Variants in TSPAN33 observed in about 807,000 individuals in gnomAD.
The protein encoded by TSPAN33 is tetraspanin-33.
A neutral mutation model predicts 34.8 loss-of-function variants in TSPAN33; 27 were observed. That is an observed-to-expected ratio of 0.78 (90% CI 0.57 to 1.07). The LOEUF (loss-of-function observed/expected upper bound fraction) is 1.07. Ranked by LOEUF, TSPAN33 falls within the 50% of genes least tolerant of loss-of-function variation. The pLI, the probability that TSPAN33 is intolerant of heterozygous loss-of-function variation, is 0.00. For synonymous variants in TSPAN33, 119 were observed against 124.2 expected, an observed-to-expected ratio of 0.96 and a Z score of 0.28; for missense variants, 272 against 324.9, an observed-to-expected ratio of 0.84 and a Z score of 1.25.
chr7:129,169,423 G>A lies in TSPAN33; in HGVS notation c.*1549G>A, dbSNP rs887956843. ...CCGGAGGAGATGGGGGGCTGTGCTAGCTGCTTGCCCAGCGAGTGTTCCCGG... is the reference window on the plus strand; with the variant it reads ...CCGGAGGAGATGGGGGGCTGTGCTAACTGCTTGCCCAGCGAGTGTTCCCGG... On this transcript the variant is annotated 3_prime_UTR_variant, in exon 8 of 8. Transcript: ENST00000486685. 13 of 152,404 alleles carry A rather than the reference G, an allele frequency of 8.5e-5. No homozygotes were observed. The highest frequency in any genetic ancestry group is 2.4e-4 in the African/African-American group (10 of 41,576). The allele number at this position is 152,404 out of a possible 1,614,324, so 9.4% of individuals were successfully genotyped here. A position where few individuals can be genotyped will look rare whatever the true frequency, so the allele number is the denominator to read the frequency against.
In TSPAN33 at chr7:129,148,708, G is replaced by C. The variant is rs372925527; in HGVS notation, c.102+3626G>C. ...AGCCATCCCCTCCTCAGAGCCACAC[G>C]TACTTACTGCCTACAGCATCTGGAT... On this transcript the variant is annotated intron_variant, in intron 1 of 7. Coordinates refer to ENST00000486685, the MANE Select transcript of TSPAN33 (RefSeq NM_178562.5). The surrounding 1 kb of genome is among the most constrained non-coding windows in gnomAD (Gnocchi z 4.2). Among the ~76,000 whole-genome samples the C allele has an allele frequency of 6.6e-6, 1 of 152,282 alleles. No homozygotes were observed. Among genetic ancestry groups the C allele is most frequent in the Admixed American group, 6.5e-5 (1 of 15,296 alleles).
chr7:129,164,650 G>T, intron 5 of TSPAN33, 81 bp downstream of exon 5: 1 of 1,335,858 alleles, frequency 7.5e-7, no homozygotes, highest in Non-Finnish European at 1.1e-6. Context: ...CTATGCCTGT[G>T]GGGCTCTTCA....
intron 1 of TSPAN33, among the ~76,000 whole-genome samples, chr7:129,146,914 C>T (rs1810527685): frequency 6.6e-6 from 1 of 152,166 alleles, no homozygotes; most frequent in Non-Finnish European, 1.5e-5. Context: ...CAGCTGGGTG[C>T]ATCTGTTACA....
chr7:129,150,251 G>T (rs1219875400), intron 1 of TSPAN33, among the ~76,000 whole-genome samples: 1 of 152,190 alleles, frequency 6.6e-6, no homozygotes, highest in Admixed American at 6.5e-5. Flanking sequence ...CCTGCTGGTG[G>T]CCCCACTGTG....
intron 1 of TSPAN33, among the ~76,000 whole-genome samples, chr7:129,152,436 G>A (rs1185898301): frequency 6.6e-6 from 1 of 152,170 alleles, no homozygotes; most frequent in South Asian, 2.1e-4. Flanking sequence ...GCTCATGCCT[G>A]TAATCTTTTG....
rs979826241 is a variant in TSPAN33, at chr7:129,166,550, A to T, written c.460-228A>T. The T allele has an allele frequency of 1.1e-5, 5 of 471,652 alleles. No individual in the cohort carries two copies. In the Admixed American group the frequency reaches 2.0e-4, roughly 19 times the overall value. 29.2% of individuals were successfully genotyped at this position (471,652 alleles called of 1,614,324 possible). ...GTACAACTGTAATACCAACAAGCAC[A>T]GTGGTAAGTTATAACAAGATATACG... On this transcript the variant is annotated intron_variant, in intron 5 of 7. Transcript: ENST00000486685.
chr7:129,154,053 C>T (rs1279645207), intron 1 of TSPAN33, among the ~76,000 whole-genome samples: 1 of 152,170 alleles, frequency 6.6e-6, no homozygotes, highest in Non-Finnish European at 1.5e-5. Context: ...CTATCTTAGC[C>T]AAGCATGGTG....
intron 1 of TSPAN33, among the ~76,000 whole-genome samples, chr7:129,152,834 G>A (rs1810614758): frequency 6.6e-6 from 1 of 151,800 alleles, no homozygotes; most frequent in African/African-American, 2.4e-5. Context: ...CAAGGCAGGA[G>A]GATCACCTGA....
chr7:129,167,342 CCAAA>C lies in TSPAN33; in HGVS notation c.589-52_589-49del. ...GGTGGGAAGCCCATCAGCTAAGGCCCCAAACAAAAAGTTATTGGAATTACAGTCC... is the reference window on the plus strand; with the variant it reads ...GGTGGGAAGCCCATCAGCTAAGGCCCCAAAAAGTTATTGGAATTACAGTCC... On this transcript the variant is annotated intron_variant, in intron 6 of 7. Transcript: ENST00000486685. This position sits in a 1 kb window ranked among gnomAD's most constrained non-coding sequence, Gnocchi z 4.6. The C allele has an allele frequency of 1.3e-6, 2 of 1,569,032 alleles. No individual in the cohort carries two copies. The highest frequency in any genetic ancestry group is 8.7e-7 in the Non-Finnish European group (1 of 1,151,808).
At chr7:129,162,952 G>A in intron 4 of TSPAN33, 45 bp downstream of exon 4, 1 of 1,565,198 alleles carries the variant, frequency 6.4e-7, no homozygotes, top group Non-Finnish European at 8.8e-7. Context: ...GACCCAGAGG[G>A]AGGAAGGAAG....
chr7:129,149,976 C>T (rs1563135631), intron 1 of TSPAN33, among the ~76,000 whole-genome samples: 1 of 152,222 alleles, frequency 6.6e-6, no homozygotes, highest in Non-Finnish European at 1.5e-5. Flanking sequence ...TGGCTTCATC[C>T]AGATATAAGG....
intron 1 of TSPAN33, among the ~76,000 whole-genome samples, chr7:129,155,684 C>A (rs1253587100): frequency 6.6e-6 from 1 of 150,696 alleles, no homozygotes; most frequent in Non-Finnish European, 1.5e-5. Context: ...ATTTAATATC[C>A]TTCTGTTCCA....
intron 1 of TSPAN33, among the ~76,000 whole-genome samples, chr7:129,152,707 A>G (rs1018114322): frequency 6.6e-6 from 1 of 151,592 alleles, no homozygotes; most frequent in African/African-American, 2.4e-5. Flanking sequence ...CAAACAAACA[A>G]ACAAACAGGA....
intron 2 of TSPAN33, among the ~76,000 whole-genome samples, chr7:129,161,947 A>G (rs1352656071): frequency 2.6e-5 from 4 of 152,208 alleles, no homozygotes; most frequent in African/African-American, 9.7e-5. Flanking sequence ...GGATATGCCT[A>G]CATTTGAGGC....
chr7:129,166,792 A>T lies in TSPAN33; in HGVS notation c.474A>T (p.Gly158=). The change falls in exon 6 of 8, where the codon GGA becomes GGT. Residue 158 remains glycine, a synonymous_variant. Transcript: ENST00000486685. ...DFGQKKFSCC[G]GISYKDWSQN... ...TTTTGTTGCAGTTTAGCTGCTGTGG[A>T]GGGATTTCCTACAAGGACTGGTCTC... 6.2e-7 allele frequency: 1 copy of T among 1,614,040 alleles called. No individual in the cohort carries two copies. The highest frequency in any genetic ancestry group is 8.5e-7 in the Non-Finnish European group (1 of 1,179,998).
intron 1 of TSPAN33, among the ~76,000 whole-genome samples, chr7:129,146,579 G>T (rs149483587): frequency 5.9e-4 from 90 of 152,284 alleles, no homozygotes; most frequent in African/African-American, 2.0e-3. Context: ...TATAGCTGGG[G>T]TATGGGCAGT....
rs1793199928 is a variant in TSPAN33, at chr7:129,169,457, C to T, written c.*1583C>T. 6.6e-6 allele frequency: 1 copy of T among 152,272 alleles called. No individual in the cohort carries two copies. The highest frequency in any genetic ancestry group is 6.5e-5 in the Admixed American group (1 of 15,294). 9.4% of individuals were successfully genotyped at this position (152,272 alleles called of 1,614,324 possible). A position where few individuals can be genotyped will look rare whatever the true frequency, so the allele number is the denominator to read the frequency against. ...CCAGCGAGTGTTCCCGGAGTCTCCT[C>T]GCCGCACCCCGCTATCGGGCGCTCA... On this transcript the variant is annotated 3_prime_UTR_variant, in exon 8 of 8. Transcript: ENST00000486685.
chr7:129,155,756 G>T (rs186392114), intron 1 of TSPAN33, among the ~76,000 whole-genome samples: 5 of 151,234 alleles, frequency 3.3e-5, no homozygotes, highest in African/African-American at 1.2e-4. Flanking sequence ...GGGTCTTGCT[G>T]TGTCACCCAG....
chr7:129,166,630 TG>T, intron 5 of TSPAN33, 147 bp from the exon 6 acceptor site: 1 of 871,104 alleles, frequency 1.1e-6, no homozygotes, highest in Non-Finnish European at 1.7e-6. Flanking sequence ...ACTGGGAAGC[TG>T]GAGCTCAAAG....
Sources: allele counts gnomAD v4.1 joint callset (sites outside exome capture counted in the v4.1 genomes callset), GRCh38; gene constraint gnomAD v4.1.1; non-coding constraint Gnocchi (gnomAD v3.1); transcripts MANE v1.5; gene names NCBI Gene and HGNC (gene_info 2026-07-23, HGNC 2026-07-21).